EFCAB6: variants seen among roughly 807,000 people sequenced by gnomAD.
EFCAB6 encodes the protein EF-hand calcium binding domain 6, also known as EF-hand calcium-binding domain-containing protein 6.
Under a neutral mutation model 169.8 loss-of-function variants are expected in EFCAB6, and 156 were observed. The ratio of observed to expected loss-of-function variants is 0.92; its 90% CI spans 0.81 to 1.05. The LOEUF is 1.05. Among genes scored for constraint, EFCAB6 ranks in the 50% least tolerant of loss-of-function variants. The pLI, the probability that EFCAB6 is intolerant of heterozygous loss-of-function variation, is 0.00. For synonymous variants in EFCAB6, 698 were observed against 676.4 expected (o/e 1.03, Z -0.50); for missense variants, 1,800 against 1,829.1 (o/e 0.98, Z 0.29).
At chr22:43,672,432 G>C in intron 13 of EFCAB6, 127 bp from the exon 14 acceptor site, 1 of 913,890 alleles carries the variant, frequency 1.1e-6, no homozygotes, top group South Asian at 1.7e-5. Context: ...TTGAGACCTT[G>C]AACAACGGAG....
At chr22:43,615,772 T>G (rs1322040498) in intron 21 of EFCAB6, 54 bp downstream of exon 21, 1 of 1,495,028 alleles carries the variant, frequency 6.7e-7, no homozygotes, top group East Asian at 2.3e-5. Flanking sequence ...CCCAGTGATC[T>G]TGAAACATTG....
chr22:43,533,702 C>T (rs139892942), intron 30 of EFCAB6, among the ~76,000 whole-genome samples: 5 of 152,304 alleles, frequency 3.3e-5, no homozygotes, highest in Admixed American at 1.3e-4. Context: ...CAGACCCTGG[C>T]GTCTCATGCT....
intron 26 of EFCAB6, among the ~76,000 whole-genome samples, chr22:43,556,756 C>A (rs1490427087): frequency 6.6e-6 from 1 of 152,242 alleles, no homozygotes; most frequent in Admixed American, 6.5e-5. Flanking sequence ...CACACATACA[C>A]TAAAGCCAAA....
At chr22:43,648,826 T>C (rs527804818) in intron 17 of EFCAB6, among the ~76,000 whole-genome samples, 4 of 152,216 alleles carry the variant, frequency 2.6e-5, no homozygotes, top group Non-Finnish European at 4.4e-5. Flanking sequence ...TGATACTTTA[T>C]AAAATTGATT....
intron 4 of EFCAB6, among the ~76,000 whole-genome samples, chr22:43,771,066 CA>C (rs2061453965): frequency 6.6e-6 from 1 of 152,092 alleles, no homozygotes; most frequent in African/African-American, 2.4e-5. Flanking sequence ...GGTTGTAGTA[CA>C]CAGCAAATTC....
At chr22:43,738,395 T>G (rs1350446752) in intron 6 of EFCAB6, among the ~76,000 whole-genome samples, 6 of 151,266 alleles carry the variant, frequency 4.0e-5, no homozygotes, top group African/African-American at 9.7e-5. Flanking sequence ...CACACATGCA[T>G]GTACTCACAC....
intron 21 of EFCAB6, among the ~76,000 whole-genome samples, chr22:43,614,356 G>T (rs1227928035): frequency 6.6e-6 from 1 of 151,964 alleles, no homozygotes; most frequent in African/African-American, 2.4e-5. Context: ...TGACAAAGGG[G>T]CAAAGGCAAC....
At chr22:43,640,778 C>T (rs1333839647) in intron 17 of EFCAB6, among the ~76,000 whole-genome samples, 2 of 152,262 alleles carry the variant, frequency 1.3e-5, no homozygotes, top group Admixed American at 1.3e-4. Context: ...TAATAAATTA[C>T]TGATTTATTG....
rs1042038877 is a variant in EFCAB6, at chr22:43,629,368, C to T, written c.2233-2689G>A. On this transcript the variant is annotated intron_variant, in intron 19 of 31. Coordinates refer to ENST00000262726, the MANE Select transcript of EFCAB6 (RefSeq NM_022785.4). ...GTGTCACTTTTTCCCCGTCTCTGAC[C>T]CTCAGGGTATCCAGCATAACACGGG... is the stretch of plus-strand genomic sequence containing the variant. Among the ~76,000 whole-genome samples, 4 of 152,148 alleles carry T rather than the reference C, an allele frequency of 2.6e-5. No homozygotes were observed. The East Asian group carries it at 7.7e-4, about 29-fold the overall frequency.
At chr22:43,589,624 C>T (rs2051331171) in intron 24 of EFCAB6, among the ~76,000 whole-genome samples, 1 of 152,104 alleles carries the variant, frequency 6.6e-6, no homozygotes, top group Non-Finnish European at 1.5e-5. Context: ...CCCGTCTCTA[C>T]TAAAAATACA....
At chr22:43,615,774 G>A (rs1320655331) in intron 21 of EFCAB6, 52 bp downstream of exon 21, 3 of 1,505,672 alleles carry the variant, frequency 2.0e-6, no homozygotes, top group Non-Finnish European at 2.7e-6. Flanking sequence ...CAGTGATCTT[G>A]AAACATTGAA....
At chr22:43,659,141 G>A (rs192060249) in intron 17 of EFCAB6, among the ~76,000 whole-genome samples, 36 of 152,278 alleles carry the variant, frequency 2.4e-4, no homozygotes, top group African/African-American at 8.7e-4. Context: ...TTTCTTATGC[G>A]CTCTCTCTGG....
chr22:43,691,193 A>G (rs2058400955), intron 10 of EFCAB6, among the ~76,000 whole-genome samples: 1 of 152,150 alleles, frequency 6.6e-6, no homozygotes, highest in Non-Finnish European at 1.5e-5. Flanking sequence ...TACTATTCAC[A>G]TAAATTCTCT....
Position 43,740,329 on chromosome 22 carries a change from A to T in EFCAB6, c.508-4336T>A, listed in dbSNP as rs570403952. Among the ~76,000 whole-genome samples, 106 of 152,168 alleles carry T rather than the reference A, an allele frequency of 7.0e-4. 1 individual carries two copies. The highest frequency in any genetic ancestry group is 2.5e-3 in the African/African-American group (103 of 41,510). On this transcript the variant is annotated intron_variant, in intron 6 of 31. Transcript: ENST00000262726. ...GTTTGTTCATGGCCCCAGCTCTAGGACAGCATCTGGCACAGTGTGGACACT... is the reference window on the plus strand; with the variant it reads ...GTTTGTTCATGGCCCCAGCTCTAGGTCAGCATCTGGCACAGTGTGGACACT...
intron 22 of EFCAB6, among the ~76,000 whole-genome samples, chr22:43,601,410 G>A (rs923995829): frequency 5.9e-5 from 9 of 152,212 alleles, no homozygotes; most frequent in African/African-American, 1.9e-4. Context: ...TCGCAGATGT[G>A]ATTTTCCCCA....
chr22:43,604,593 C>T (rs1569233782), intron 22 of EFCAB6, among the ~76,000 whole-genome samples: 1 of 152,182 alleles, frequency 6.6e-6, no homozygotes, highest in Non-Finnish European at 1.5e-5. Flanking sequence ...TCTTGAGGCT[C>T]CCTGTCCAGA....
intron 10 of EFCAB6, among the ~76,000 whole-genome samples, chr22:43,689,332 C>T (rs543744381): frequency 1.9e-4 from 26 of 139,032 alleles, no homozygotes; most frequent in African/African-American, 5.2e-4. Flanking sequence ...GAGTGGGCCA[C>T]GTGAGGGAGA....
chr22:43,578,676 T>C (rs907318059), intron 25 of EFCAB6, among the ~76,000 whole-genome samples: 8 of 152,026 alleles, frequency 5.3e-5, no homozygotes, highest in African/African-American at 1.9e-4. Flanking sequence ...GCGGTCATCA[T>C]TCCCTACGTG....
chr22:43,566,095 G>T (rs1008823368), intron 26 of EFCAB6, among the ~76,000 whole-genome samples: 2 of 152,082 alleles, frequency 1.3e-5, no homozygotes, highest in African/African-American at 2.4e-5. Flanking sequence ...TACAGACCTC[G>T]CTGCCGGATC....
Sources: allele counts gnomAD v4.1 joint callset (sites outside exome capture counted in the v4.1 genomes callset), GRCh38; gene constraint gnomAD v4.1.1; transcripts MANE v1.5; gene names NCBI Gene and HGNC (gene_info 2026-07-23, HGNC 2026-07-21).